The following DNM3 variants were observed in gnomAD, a reference collection of about 807,000 sequenced individuals.
DNM3 encodes dynamin 3, also known as dynamin-3.
Under a neutral mutation model 101.6 loss-of-function variants are expected in DNM3, and 47 were observed. The observed-to-expected ratio is 0.46, with a 90% CI of 0.37 to 0.59. The LOEUF is 0.59. Among genes scored for constraint, DNM3 ranks in the 20% least tolerant of loss-of-function variants. The pLI is 0.00. For missense variants in DNM3, 849 were observed against 1,085.7 expected, an observed-to-expected ratio of 0.78 and a Z score of 3.06; for synonymous variants, 385 against 387.9, an observed-to-expected ratio of 0.99 and a Z score of 0.09.
chr1:172,087,764 A>G (rs1325498789), intron 12 of DNM3, among the ~76,000 whole-genome samples: 1 of 152,172 alleles, frequency 6.6e-6, no homozygotes, highest in Non-Finnish European at 1.5e-5. Context: ...TACCCCTGTC[A>G]TCCTCTTTCT....
chr1:172,298,761 TG>T (rs773275028), intron 15 of DNM3, among the ~76,000 whole-genome samples: 52 of 151,816 alleles, frequency 3.4e-4, no homozygotes, highest in Non-Finnish European at 6.9e-4. Flanking sequence ...TTGGAGTTTA[TG>T]GGCTAGTTGA....
rs2071167250 is a variant in DNM3 at position 172,410,921 on chromosome 1, A to G, written c.*3080A>G. ...TGATAAATGTTGATGTTTTCTGTGT[A>G]CAAACACATTTTCTATGCATGTGTC... On this transcript the variant is annotated 3_prime_UTR_variant, in exon 21 of 21. Coordinates refer to ENST00000627582, the MANE Select transcript of DNM3 (RefSeq NM_015569.5). 1.0e-6 allele frequency: 1 copy of G among 985,282 alleles called. No homozygotes were observed. The highest frequency in any genetic ancestry group is 1.7e-5 in the African/African-American group (1 of 57,336). 61.0% of individuals were successfully genotyped at this position (985,282 alleles called of 1,614,324 possible).
chr1:172,043,551 T>C (rs995861524), intron 8 of DNM3, among the ~76,000 whole-genome samples: 7 of 151,914 alleles, frequency 4.6e-5, no homozygotes, highest in African/African-American at 1.7e-4. Flanking sequence ...CCAGCTCAAG[T>C]GTGTAAGGGA....
At chr1:171,877,154 A>G (rs1305311434) in intron 1 of DNM3, among the ~76,000 whole-genome samples, 5 of 152,240 alleles carry the variant, frequency 3.3e-5, no homozygotes, top group East Asian at 1.9e-4. Flanking sequence ...TCCTGAAACC[A>G]TGGGAATAAA....
intron 8 of DNM3, among the ~76,000 whole-genome samples, chr1:172,043,434 G>A (rs945549172): frequency 2.0e-5 from 3 of 152,148 alleles, no homozygotes; most frequent in African/African-American, 4.8e-5. Flanking sequence ...TTATGTCTTC[G>A]TGTGGGAGGC....
At chr1:172,216,755 GCACA>G (rs144275284) in intron 14 of DNM3, among the ~76,000 whole-genome samples, 2,566 of 147,452 alleles carry the variant, frequency 0.017, 67 homozygotes, top group African/African-American at 0.059. Context: ...ACACACACAT[GCACA>G]CACACACACA....
At chr1:172,188,474 T>G (rs985619640) in intron 14 of DNM3, among the ~76,000 whole-genome samples, 5 of 152,030 alleles carry the variant, frequency 3.3e-5, no homozygotes, top group Non-Finnish European at 1.5e-5. Context: ...AGGGTGGAGA[T>G]TTCTTCTTTT....
Position 172,409,763 on chromosome 1 carries a change from C to T in DNM3, c.*1922C>T, listed in dbSNP as rs538964422. On this transcript the variant is annotated 3_prime_UTR_variant, in exon 21 of 21. Transcript: ENST00000627582. Reference sequence around the variant, plus strand: ...CTTCTTGTTTTTAGGATTCCCTTTGCTTCTTCCTTTGAATTCTCTAAAATA... The same window carrying T: ...CTTCTTGTTTTTAGGATTCCCTTTGTTTCTTCCTTTGAATTCTCTAAAATA... The T allele has an allele frequency of 7.2e-5, 71 of 985,574 alleles. No homozygotes were observed. The highest frequency in any genetic ancestry group is 8.2e-5 in the Non-Finnish European group (68 of 829,756). 61.1% of individuals were successfully genotyped at this position (985,574 alleles called of 1,614,324 possible).
Position 171,965,776 on chromosome 1 carries a change from G to T in DNM3, c.236-21880G>T, listed in dbSNP as rs186787255. Among the ~76,000 whole-genome samples the T allele has an allele frequency of 2.1e-3, 320 of 152,188 alleles. 3 individuals carry two copies. Among genetic ancestry groups the T allele is most frequent in the African/African-American group, 6.9e-3 (285 of 41,532 alleles). On this transcript the variant is annotated intron_variant, in intron 2 of 20. Transcript: ENST00000627582. ...TTTTATGGAGGTTCATTATATAGAT[G>T]TGATTGATTAAATCATTGGCCATTG...
chr1:172,325,943 A>C (rs1360856524), intron 17 of DNM3, among the ~76,000 whole-genome samples: 1 of 152,212 alleles, frequency 6.6e-6, no homozygotes, highest in Non-Finnish European at 1.5e-5. Context: ...AGTAGTGCAC[A>C]CACATGTGCA....
At position 172,409,453 on chromosome 1, in the gene DNM3, GCTAAC is replaced by G. The variant is rs2071089888; in HGVS notation, c.*1614_*1618del. 2.7e-5 allele frequency: 27 copies of G among 984,140 alleles called. No individual in the cohort carries two copies. Among genetic ancestry groups the G allele is most frequent in the Non-Finnish European group, 3.1e-5 (26 of 828,946 alleles). The allele number at this position is 984,140 out of a possible 1,614,324, so 61.0% of individuals were successfully genotyped here. On this transcript the variant is annotated 3_prime_UTR_variant, in exon 21 of 21. Coordinates refer to ENST00000627582, the MANE Select transcript of DNM3 (RefSeq NM_015569.5). ...TATTGAACTTATTCTAAAGGCTTAT[GCTAAC>G]CCATTTATAATTGGTAAAAATCAGA...
intron 12 of DNM3, among the ~76,000 whole-genome samples, chr1:172,083,576 T>G (rs1039740752): frequency 3.7e-4 from 56 of 152,348 alleles, no homozygotes; most frequent in African/African-American, 1.3e-3. Flanking sequence ...GCTGCCTTGT[T>G]GTGGTACCAC....
intron 14 of DNM3, among the ~76,000 whole-genome samples, chr1:172,244,277 T>G (rs1394878684): frequency 6.6e-6 from 1 of 152,124 alleles, no homozygotes; most frequent in Non-Finnish European, 1.5e-5. Context: ...GTTGGACATT[T>G]GGGTTGGTTC....
intron 1 of DNM3, among the ~76,000 whole-genome samples, chr1:171,905,838 C>T (rs1571536392): frequency 2.0e-5 from 3 of 151,214 alleles, no homozygotes; most frequent in Admixed American, 2.0e-4. Context: ...AGGGTGAAAA[C>T]CATGAGTAGG....
chr1:171,917,186 A>T lies in DNM3; in HGVS notation c.162-4562A>T, dbSNP rs572393698. On this transcript the variant is annotated intron_variant, in intron 1 of 20. Transcript: ENST00000627582. ...GCCTCCCATCTTCAGTTAAGGGCAG[A>T]TGTTAAACATTTATTTACTGTACAG... is the stretch of plus-strand genomic sequence containing the variant. Among the ~76,000 whole-genome samples the T allele has an allele frequency of 3.9e-5, 6 of 152,342 alleles. No homozygotes were observed. The South Asian group carries it at 1.2e-3, about 32-fold the overall frequency.
chr1:171,943,297 C>G (rs116364713), intron 2 of DNM3, among the ~76,000 whole-genome samples: 1 of 152,198 alleles, frequency 6.6e-6, no homozygotes, highest in African/African-American at 2.4e-5. Flanking sequence ...ATAGACCCCT[C>G]TTCTTGGCCA....
rs2071049900 is a variant in DNM3 at position 172,408,630 on chromosome 1, T to C, written c.*789T>C. On this transcript the variant is annotated 3_prime_UTR_variant, in exon 21 of 21. Coordinates refer to ENST00000627582, the MANE Select transcript of DNM3 (RefSeq NM_015569.5). The stretch of plus-strand genomic sequence containing the variant: ...GAAAAATATAATTTCTTTCTTTACT[T>C]ATATTCACCTCATGGTAGGTTATAT... The C allele has an allele frequency of 1.0e-6, 1 of 985,040 alleles. No individual in the cohort carries two copies. Among genetic ancestry groups the C allele is most frequent in the Non-Finnish European group, 1.2e-6 (1 of 829,578 alleles). 61.0% of individuals were successfully genotyped at this position (985,040 alleles called of 1,614,324 possible).
chr1:171,930,329 G>A (rs938261605), intron 2 of DNM3, among the ~76,000 whole-genome samples: 3 of 152,176 alleles, frequency 2.0e-5, no homozygotes, highest in East Asian at 1.9e-4. Flanking sequence ...GTGAGGTGCC[G>A]TGGAATTGGG....
intron 6 of DNM3, among the ~76,000 whole-genome samples, chr1:172,037,518 G>A (rs1368737463): frequency 1.3e-5 from 2 of 152,120 alleles, no homozygotes; most frequent in African/African-American, 4.8e-5. Context: ...GGAAGTTCAA[G>A]ATTATCTGTT....
Sources: gnomAD v4.1 joint callset for allele counts (sites outside exome capture counted in the v4.1 genomes callset) on GRCh38, gnomAD v4.1.1 for gene constraint, MANE v1.5 for transcripts, NCBI Gene and HGNC (gene_info 2026-07-23, HGNC 2026-07-21) for gene names.